The following TIAM1 variants were observed in gnomAD, a reference collection of about 807,000 sequenced individuals.
The protein encoded by TIAM1 is TIAM Rac1 associated GEF 1.
In TIAM1, 65 loss-of-function variants were observed where a neutral mutation model predicts 163.5. The observed-to-expected ratio is 0.40, with a 90% CI of 0.33 to 0.49. The LOEUF (loss-of-function observed/expected upper bound fraction) is 0.49, where lower values mean the gene tolerates loss of function less well. Among genes scored for constraint, TIAM1 ranks in the 20% least tolerant of loss-of-function variants. The probability of loss-of-function intolerance (pLI) is 0.77; values close to 1 mark genes in which losing one functional copy is unlikely to be tolerated. For missense variants in TIAM1, 1,789 were observed against 2,044.7 expected, an observed-to-expected ratio of 0.87 and a Z score of 2.41; for synonymous variants, 833 against 810.1, an observed-to-expected ratio of 1.03 and a Z score of -0.48.
chr21:31,432,059 T>A (rs536502262), intron 2 of TIAM1, among the ~76,000 whole-genome samples: 28 of 150,082 alleles, frequency 1.9e-4, no homozygotes, highest in African/African-American at 6.9e-4. Context: ...CCTTAATAAA[T>A]ATGGGGTGAA....
intron 4 of TIAM1, among the ~76,000 whole-genome samples, chr21:31,260,781 A>C (rs1290266496): frequency 3.9e-5 from 6 of 152,110 alleles, no homozygotes; most frequent in Non-Finnish European, 7.4e-5. Context: ...TTACATGAAA[A>C]AATTTGTTTT....
At chr21:31,497,975 C>T (rs1055681705) in intron 1 of TIAM1, among the ~76,000 whole-genome samples, 3 of 152,210 alleles carry the variant, frequency 2.0e-5, no homozygotes, top group Admixed American at 6.5e-5. Flanking sequence ...GCCCTGTTCC[C>T]CCAAGCTGAT....
At chr21:31,416,763 T>C (rs1324658613) in intron 2 of TIAM1, among the ~76,000 whole-genome samples, 2 of 152,240 alleles carry the variant, frequency 1.3e-5, no homozygotes, top group Non-Finnish European at 2.9e-5. Context: ...AGTGATCACT[T>C]GCTCAGCGCT....
At chr21:31,424,777 G>A (rs543755651) in intron 2 of TIAM1, among the ~76,000 whole-genome samples, 11 of 152,312 alleles carry the variant, frequency 7.2e-5, no homozygotes, top group African/African-American at 1.7e-4. Flanking sequence ...ATGGGCTGGC[G>A]CAGTGGCTCA....
intron 2 of TIAM1, among the ~76,000 whole-genome samples, chr21:31,416,085 C>T (rs746529666): frequency 3.9e-5 from 6 of 152,160 alleles, no homozygotes; most frequent in Non-Finnish European, 7.3e-5. Context: ...TTTGGGGTTA[C>T]CTTTAAAAAG....
At chr21:31,389,022 T>C (rs1327641665) in intron 2 of TIAM1, among the ~76,000 whole-genome samples, 2 of 152,200 alleles carry the variant, frequency 1.3e-5, no homozygotes, top group African/African-American at 2.4e-5. Flanking sequence ...ATAAGGTCTG[T>C]GTCACACGCA....
intron 16 of TIAM1, among the ~76,000 whole-genome samples, chr21:31,161,855 CTT>C (rs1435376011): frequency 6.6e-6 from 1 of 152,178 alleles, no homozygotes; most frequent in Non-Finnish European, 1.5e-5. Flanking sequence ...AAGCTTCACA[CTT>C]ATATAGGAGA....
intron 2 of TIAM1, among the ~76,000 whole-genome samples, chr21:31,383,978 C>G (rs966914068): frequency 6.6e-6 from 1 of 152,136 alleles, no homozygotes; most frequent in African/African-American, 2.4e-5. Flanking sequence ...CTGCTGGGAC[C>G]TGCTGTTTCC....
At chr21:31,217,004 C>G (rs2087252413) in intron 9 of TIAM1, among the ~76,000 whole-genome samples, 1 of 152,068 alleles carries the variant, frequency 6.6e-6, no homozygotes, top group Non-Finnish European at 1.5e-5. Context: ...GTCAGGAGTT[C>G]AAGACCAGCC....
At chr21:31,454,378 G>A (rs539177798) in intron 2 of TIAM1, among the ~76,000 whole-genome samples, 198 of 152,342 alleles carry the variant, frequency 1.3e-3, no homozygotes, top group Non-Finnish European at 2.2e-3. Flanking sequence ...TTAAGAGCAT[G>A]TCAGAAAACA....
chr21:31,294,186 T>C (rs149937362), intron 2 of TIAM1, among the ~76,000 whole-genome samples: 2,030 of 152,282 alleles, frequency 0.013, 15 homozygotes, highest in Non-Finnish European at 0.019. Flanking sequence ...GTTGGAATGA[T>C]TGTTCAACAG....
chr21:31,532,939 A>C (rs1374780292), intron 1 of TIAM1, among the ~76,000 whole-genome samples: 1 of 152,232 alleles, frequency 6.6e-6, no homozygotes, highest in Non-Finnish European at 1.5e-5. Context: ...AAGAGAAAAA[A>C]ATAAATAAAT....
intron 2 of TIAM1, among the ~76,000 whole-genome samples, chr21:31,390,782 C>G (rs1015452194): frequency 6.6e-6 from 1 of 152,224 alleles, no homozygotes; most frequent in Non-Finnish European, 1.5e-5. Context: ...GATGTTCACC[C>G]ATTAAAAACA....
chr21:31,160,188 T>C (rs778441398), intron 16 of TIAM1, among the ~76,000 whole-genome samples: 1 of 152,172 alleles, frequency 6.6e-6, no homozygotes, highest in Non-Finnish European at 1.5e-5. Flanking sequence ...CTTTCTGCCA[T>C]TTAAGTATAA....
At chr21:31,471,942 GGCGGGAGCC>G (rs1237858421) in intron 1 of TIAM1, among the ~76,000 whole-genome samples, 1 of 149,718 alleles carries the variant, frequency 6.7e-6, no homozygotes, top group Admixed American at 6.7e-5. Flanking sequence ...ACCTGAGAGG[GGCGGGAGCC>G]TTGAGTCCAC....
chr21:31,515,220 G>C (rs1486051801), intron 1 of TIAM1, among the ~76,000 whole-genome samples: 1 of 152,062 alleles, frequency 6.6e-6, no homozygotes, highest in Admixed American at 6.5e-5. Flanking sequence ...CATGTGCCTG[G>C]AGGGCCCCTT....
At position 31,135,899 on chromosome 21, in the gene TIAM1, T is replaced by C. The variant is rs193268564; in HGVS notation, c.3883+34A>G. On this transcript the variant is annotated intron_variant, in intron 23 of 27. Coordinates refer to ENST00000541036, the MANE Select transcript of TIAM1 (RefSeq NM_001353694.2). ...TTGTTTTGAAAACTAAGCTAGACTTTTCCCCCTCCATAAAACGCTTTTCTG... is the reference window on the plus strand; with the variant it reads ...TTGTTTTGAAAACTAAGCTAGACTTCTCCCCCTCCATAAAACGCTTTTCTG... 4.5e-4 allele frequency: 704 copies of C among 1,577,694 alleles called. 2 individuals carry two copies. The African/African-American group carries it at 7.8e-3, about 17-fold the overall frequency.
chr21:31,435,083 G>C (rs751337237), intron 2 of TIAM1, among the ~76,000 whole-genome samples: 2 of 152,166 alleles, frequency 1.3e-5, no homozygotes, highest in Non-Finnish European at 2.9e-5. Context: ...CCCTAAGAGT[G>C]ATCCCCAACA....
chr21:31,523,050 G>A, intron 1 of TIAM1, among the ~76,000 whole-genome samples: 1 of 152,136 alleles, frequency 6.6e-6, no homozygotes, highest in East Asian at 1.9e-4. Flanking sequence ...AGCACCCAAT[G>A]CCATGTTTTT....
Sources: gnomAD v4.1 joint callset for allele counts (sites outside exome capture counted in the v4.1 genomes callset) on GRCh38, gnomAD v4.1.1 for gene constraint, MANE v1.5 for transcripts, NCBI Gene and HGNC (gene_info 2026-07-23, HGNC 2026-07-21) for gene names.